Variants in ARHGAP20 observed in about 807,000 individuals in gnomAD.
The protein encoded by ARHGAP20 is rho GTPase-activating protein 20.
In ARHGAP20, 34 loss-of-function variants were observed where a neutral mutation model predicts 73.7. The ratio of observed to expected loss-of-function variants is 0.46; its 90% confidence interval spans 0.35 to 0.61. ARHGAP20 has a LOEUF of 0.61. ARHGAP20 is among the 20% of genes least tolerant of loss of function. The pLI, the probability that ARHGAP20 is intolerant of heterozygous loss-of-function variation, is 0.00. For synonymous variants in ARHGAP20, 523 were observed against 518.2 expected (o/e 1.01, Z -0.13); for missense variants, 1,314 against 1,420.9 (o/e 0.92, Z 1.21).
intron 2 of ARHGAP20, among the ~76,000 whole-genome samples, chr11:110,689,000 T>TTC (rs11463222): frequency 1.4e-5 from 1 of 70,572 alleles, no homozygotes; most frequent in Non-Finnish European, 2.7e-5. Flanking sequence ...TTTCATATAG[T>TTC]TTTTTTTTTT....
chr11:110,583,424 G>C, intron 13 of ARHGAP20, 124 bp downstream of exon 13: 1 of 893,006 alleles, frequency 1.1e-6, no homozygotes, highest in Non-Finnish European at 1.6e-6. Context: ...TACCAGTAAA[G>C]TCAAATTTAT....
intron 2 of ARHGAP20, among the ~76,000 whole-genome samples, chr11:110,670,966 T>C (rs1395607588): frequency 2.0e-5 from 3 of 152,040 alleles, no homozygotes; most frequent in African/African-American, 7.2e-5. Flanking sequence ...CTAGATAGGA[T>C]CCTGGTATAG....
intron 1 of ARHGAP20, among the ~76,000 whole-genome samples, chr11:110,698,655 T>C (rs1950383984): frequency 6.6e-6 from 1 of 151,928 alleles, no homozygotes; most frequent in Non-Finnish European, 1.5e-5. Context: ...CAGGGTTTTA[T>C]ATTTCCAGGA....
At chr11:110,598,118 A>G (rs1565430253) in intron 9 of ARHGAP20, among the ~76,000 whole-genome samples, 1 of 151,840 alleles carries the variant, frequency 6.6e-6, no homozygotes, top group African/African-American at 2.4e-5. Context: ...ACAACAAAAA[A>G]TGTTAGAAAT....
intron 2 of ARHGAP20, among the ~76,000 whole-genome samples, chr11:110,685,421 G>A (rs974658227): frequency 4.6e-5 from 7 of 151,948 alleles, no homozygotes; most frequent in Non-Finnish European, 8.8e-5. Flanking sequence ...CAGCATGAAA[G>A]ATGTCTGTCA....
intron 7 of ARHGAP20, among the ~76,000 whole-genome samples, chr11:110,611,021 T>C (rs994658386): frequency 2.0e-5 from 3 of 152,034 alleles, no homozygotes; most frequent in African/African-American, 7.2e-5. Context: ...ACCAAAAAAA[T>C]TTTTGTATAT....
Position 110,636,750 on chromosome 11 carries a change from CTT to C in ARHGAP20, c.189-5960_189-5959del, listed in dbSNP as rs1189163716. ...TTCATGGAAGGAAACAAAAACACAA[CTT>C]TTGTGTTTTTTAATACAATATTAAA... On this transcript the variant is annotated intron_variant, in intron 2 of 14. Coordinates refer to ENST00000683387, the MANE Select transcript of ARHGAP20 (RefSeq NM_001384657.1). 2.0e-5 allele frequency among the ~76,000 whole-genome samples: 3 copies of C among 151,978 alleles called. No homozygotes were observed. In the East Asian group the frequency reaches 5.8e-4, roughly 29 times the overall value.
At chr11:110,654,011 A>G (rs1238603078) in intron 2 of ARHGAP20, among the ~76,000 whole-genome samples, 1 of 152,024 alleles carries the variant, frequency 6.6e-6, no homozygotes, top group Non-Finnish European at 1.5e-5. Flanking sequence ...ATAAGAACAC[A>G]TGGACACAGG....
intron 2 of ARHGAP20, among the ~76,000 whole-genome samples, chr11:110,637,153 C>T (rs326954): frequency 0.33 from 49,387 of 151,908 alleles, 10,243 homozygotes; most frequent in African/African-American, 0.59. Flanking sequence ...TCAGTATTTA[C>T]AACTAAAGTT....
chr11:110,712,035 C>T, intron 1 of ARHGAP20, 92 bp downstream of exon 1: 1 of 1,246,144 alleles, frequency 8.0e-7, no homozygotes, highest in East Asian at 3.2e-5. Flanking sequence ...GCGGCGTCCG[C>T]CTAGCGCGCT....
At chr11:110,651,029 A>G (rs889303518) in intron 2 of ARHGAP20, among the ~76,000 whole-genome samples, 1 of 152,158 alleles carries the variant, frequency 6.6e-6, no homozygotes, top group South Asian at 2.1e-4. Flanking sequence ...AACTGAAATC[A>G]TAACAGTCTC....
intron 11 of ARHGAP20, among the ~76,000 whole-genome samples, chr11:110,587,385 T>C (rs749061360): frequency 6.6e-6 from 1 of 152,242 alleles, no homozygotes; most frequent in Non-Finnish European, 1.5e-5. Context: ...AAGTCTGCAA[T>C]TGGGCAATTT....
chr11:110,634,764 C>T (rs1948929495), intron 2 of ARHGAP20, among the ~76,000 whole-genome samples: 1 of 152,004 alleles, frequency 6.6e-6, no homozygotes, highest in African/African-American at 2.4e-5. Context: ...ATTAAGATTA[C>T]TGATGAGAGG....
intron 2 of ARHGAP20, among the ~76,000 whole-genome samples, chr11:110,659,725 T>C (rs1949556085): frequency 1.3e-5 from 2 of 152,098 alleles, no homozygotes; most frequent in South Asian, 2.1e-4. Flanking sequence ...TACGCAGCCA[T>C]AAAAAATGAT....
chr11:110,628,482 A>T (rs374617055), intron 3 of ARHGAP20, among the ~76,000 whole-genome samples: 23 of 152,290 alleles, frequency 1.5e-4, no homozygotes, highest in African/African-American at 5.3e-4. Context: ...TTTCCTAAAA[A>T]ATGGTGGTCA....
At chr11:110,662,518 T>C (rs1016618949) in intron 2 of ARHGAP20, among the ~76,000 whole-genome samples, 1 of 151,900 alleles carries the variant, frequency 6.6e-6, no homozygotes, top group Non-Finnish European at 1.5e-5. Context: ...GGAATCATAT[T>C]GGTAGTGGTA....
Position 110,712,323 on chromosome 11 carries a change from G to T in ARHGAP20, c.-92C>A. 1 of 1,095,378 alleles carries T rather than the reference G, an allele frequency of 9.1e-7. No individual in the cohort carries two copies. The highest frequency in any genetic ancestry group is 1.2e-6 in the Non-Finnish European group (1 of 849,950). The allele number at this position is 1,095,378 out of a possible 1,614,324, so 67.9% of individuals were successfully genotyped here. The stretch of plus-strand genomic sequence containing the variant: ...CCGGAGGGGCGAGGACGCGCGGGCG[G>T]AGGCGCGGCTGCCGTGCTCAGGCAG... On this transcript the variant is annotated 5_prime_UTR_variant, in exon 1 of 15. Transcript: ENST00000683387.
chr11:110,605,890 T>C (rs1948214619), intron 9 of ARHGAP20, among the ~76,000 whole-genome samples: 1 of 152,118 alleles, frequency 6.6e-6, no homozygotes, highest in Admixed American at 6.5e-5. Flanking sequence ...CAATCAATTT[T>C]CTACTATCTC....
intron 1 of ARHGAP20, among the ~76,000 whole-genome samples, chr11:110,703,073 A>C (rs1465087734): frequency 6.6e-6 from 1 of 152,142 alleles, no homozygotes. Context: ...CTATCACAGC[A>C]AGGTTTTGAC....
Sources: allele counts gnomAD v4.1 joint callset (sites outside exome capture counted in the v4.1 genomes callset), GRCh38; gene constraint gnomAD v4.1.1; transcripts MANE v1.5; gene names NCBI Gene and HGNC (gene_info 2026-07-23, HGNC 2026-07-21).